ZNRF3: variants seen among roughly 807,000 people sequenced by gnomAD.
ZNRF3 encodes zinc and ring finger 3.
Under a neutral mutation model 72.5 loss-of-function variants are expected in ZNRF3, and 23 were observed. That is an observed-to-expected ratio of 0.32 (90% confidence interval 0.23 to 0.45). The LOEUF (loss-of-function observed/expected upper bound fraction) is 0.45, where lower values mean the gene tolerates loss of function less well. Among genes scored for constraint, ZNRF3 ranks in the 20% least tolerant of loss-of-function variants. The pLI, the probability that ZNRF3 is intolerant of heterozygous loss-of-function variation, is 1.00. For synonymous variants in ZNRF3, 610 were observed against 545.3 expected (o/e 1.12, Z -1.65); for missense variants, 1,169 against 1,272.1 (o/e 0.92, Z 1.23).
chr22:29,033,186 C>T (rs1038648490), intron 2 of ZNRF3, among the ~76,000 whole-genome samples: 37 of 152,152 alleles, frequency 2.4e-4, no homozygotes, highest in African/African-American at 8.9e-4. Flanking sequence ...CCTGTCTCTA[C>T]TAAAAGTAGA....
intron 8 of ZNRF3, among the ~76,000 whole-genome samples, chr22:29,052,809 TA>T (rs751787888): frequency 2.0e-5 from 3 of 149,404 alleles, no homozygotes; most frequent in African/African-American, 2.5e-5. Flanking sequence ...CCCTATCTCT[TA>T]AAAAAAAATT....
intron 1 of ZNRF3, among the ~76,000 whole-genome samples, chr22:28,984,877 T>C (rs943155948): frequency 9.2e-5 from 14 of 152,214 alleles, no homozygotes; most frequent in African/African-American, 2.7e-4. Context: ...AGAACCTCCA[T>C]TGGCCCTTCA....
intron 1 of ZNRF3, among the ~76,000 whole-genome samples, chr22:28,945,566 T>C (rs943248483): frequency 1.3e-4 from 20 of 151,688 alleles, no homozygotes; most frequent in African/African-American, 4.6e-4. Flanking sequence ...AGTCTTGCTC[T>C]GTGGCCAGGC....
In ZNRF3 at chr22:29,049,515, C is replaced by A. The variant is rs1357726475; in HGVS notation, c.1334C>A (p.Pro445His). The A allele has an allele frequency of 6.2e-7, 1 of 1,605,054 alleles. No individual in the cohort carries two copies. The highest frequency in any genetic ancestry group is 8.5e-7 in the Non-Finnish European group (1 of 1,179,276). The change falls in exon 8 of 9, where the codon CCC becomes CAC. Residue 445 changes from proline (P) to histidine (H), a missense_variant. Physicochemically the swap from Pro to His is moderately conservative, Grantham distance 77. Around this residue, in one of 2 missense-constraint regions of ZNRF3, gnomAD observed 783 missense variants for 731.4 expected, o/e 1.07. Transcript: ENST00000544604. The surrounding 1 kb of genome is among the most constrained non-coding windows in gnomAD (Gnocchi z 5.2). ...LEHRAYSPAH[P>H]FRRPKLSGRS... The stretch of plus-strand genomic sequence containing the variant: ...CACCGGGCCTACTCCCCAGCCCACC[C>A]CTTCCGCAGGCCCAAGTTGAGTGGC...
chr22:29,017,457 A>G (rs1178103217), intron 2 of ZNRF3, among the ~76,000 whole-genome samples: 3 of 152,178 alleles, frequency 2.0e-5, no homozygotes, highest in Non-Finnish European at 2.9e-5. Flanking sequence ...TTTAAATTGC[A>G]GGGAGGAAGA....
At chr22:28,941,136 C>G (rs900954331) in intron 1 of ZNRF3, among the ~76,000 whole-genome samples, 2 of 152,114 alleles carry the variant, frequency 1.3e-5, no homozygotes, top group African/African-American at 4.8e-5. Context: ...CTTGGAAATC[C>G]TATCACTGCA....
At chr22:28,986,258 A>G (rs1299780754) in intron 1 of ZNRF3, among the ~76,000 whole-genome samples, 2 of 152,324 alleles carry the variant, frequency 1.3e-5, no homozygotes, top group East Asian at 3.9e-4. Context: ...TCATGAATCT[A>G]AAGACGTATT....
At chr22:28,912,530 G>C (rs370460767) in intron 1 of ZNRF3, among the ~76,000 whole-genome samples, 17 of 152,092 alleles carry the variant, frequency 1.1e-4, no homozygotes, top group African/African-American at 3.9e-4. Context: ...AACACTCCAG[G>C]GGAGGGAGGC....
intron 2 of ZNRF3, among the ~76,000 whole-genome samples, chr22:29,000,143 T>C (rs752638716): frequency 3.3e-5 from 5 of 152,196 alleles, no homozygotes; most frequent in Non-Finnish European, 4.4e-5. Flanking sequence ...TGAAATACTT[T>C]AAATTTTGCA....
intron 2 of ZNRF3, among the ~76,000 whole-genome samples, chr22:29,041,766 G>A (rs561628955): frequency 2.1e-4 from 32 of 152,140 alleles, no homozygotes; most frequent in Admixed American, 1.4e-3. Flanking sequence ...TCCCACCACC[G>A]ACAGTGTCTC....
chr22:29,012,662 G>A (rs954067418), intron 2 of ZNRF3, among the ~76,000 whole-genome samples: 16 of 152,210 alleles, frequency 1.1e-4, no homozygotes, highest in Admixed American at 6.5e-4. Flanking sequence ...ATCGAGGGCC[G>A]TTAACTTACT....
chr22:29,038,993 C>T (rs910911987), intron 2 of ZNRF3, among the ~76,000 whole-genome samples: 3 of 151,924 alleles, frequency 2.0e-5, no homozygotes, highest in Non-Finnish European at 4.4e-5. Flanking sequence ...CAGATTCAAA[C>T]CCCTGGGCTC....
chr22:28,983,387 C>T (rs967832107), intron 1 of ZNRF3, among the ~76,000 whole-genome samples: 4 of 152,212 alleles, frequency 2.6e-5, no homozygotes, highest in African/African-American at 9.6e-5. Flanking sequence ...GACACGCTCT[C>T]CACATGCCTT....
intron 1 of ZNRF3, among the ~76,000 whole-genome samples, chr22:28,957,434 TTTTTG>T (rs967999412): frequency 6.6e-6 from 1 of 151,974 alleles, no homozygotes; most frequent in African/African-American, 2.4e-5. Context: ...ATAATGACAG[TTTTTG>T]TTTTGTTTTG....
At chr22:28,988,516 T>C (rs2035896218) in intron 2 of ZNRF3, among the ~76,000 whole-genome samples, 1 of 152,126 alleles carries the variant, frequency 6.6e-6, no homozygotes, top group African/African-American at 2.4e-5. Flanking sequence ...TGCCCTTTAG[T>C]TGGAAAAAAT....
At chr22:29,031,001 C>G (rs1000082083) in intron 2 of ZNRF3, 1 of 152,194 alleles carries the variant, frequency 6.6e-6, no homozygotes. Context: ...CACCTCCCAA[C>G]CCCCCAAGCA....
In ZNRF3 at chr22:28,884,080, G is replaced by T. The variant is rs998139277; in HGVS notation, c.300+14G>T. The T allele has an allele frequency of 4.3e-5, 51 of 1,187,850 alleles. No individual in the cohort carries two copies. The highest frequency in any genetic ancestry group is 5.0e-5 in the Non-Finnish European group (47 of 946,984). The allele number at this position is 1,187,850 out of a possible 1,614,324, so 73.6% of individuals were successfully genotyped here. A position where few individuals can be genotyped will look rare whatever the true frequency, so the allele number is the denominator to read the frequency against. ...GAGATCGTGCAGGTAGCTGCCCGCC[G>T]CCCGGGCCCCGCGCCGCCTCCGCCA... On this transcript the variant is annotated intron_variant, in intron 1 of 8. Coordinates refer to ENST00000544604, the MANE Select transcript of ZNRF3 (RefSeq NM_001206998.2).
intron 1 of ZNRF3, among the ~76,000 whole-genome samples, chr22:28,951,277 T>C (rs1033168157): frequency 2.6e-5 from 4 of 152,200 alleles, no homozygotes; most frequent in Non-Finnish European, 4.4e-5. Context: ...CACCTCAGAA[T>C]GCGACCTTTT....
At chr22:29,037,948 C>T (rs1047498076) in intron 2 of ZNRF3, among the ~76,000 whole-genome samples, 3 of 152,236 alleles carry the variant, frequency 2.0e-5, no homozygotes, top group African/African-American at 7.2e-5. Context: ...TCTGCAGTCA[C>T]ACCCTTCTGT....
Sources: gnomAD v4.1 joint callset for allele counts (sites outside exome capture counted in the v4.1 genomes callset) on GRCh38, gnomAD v4.1.1 for gene constraint, gnomAD v4.1.1 regional missense constraint, Gnocchi (gnomAD v3.1) non-coding constraint, MANE v1.5 for transcripts, NCBI Gene and HGNC (gene_info 2026-07-23, HGNC 2026-07-21) for gene names.